ZFHX3: variants seen among roughly 807,000 people sequenced by gnomAD.
The protein encoded by ZFHX3 is zinc finger homeobox protein 3.
ZFHX3 carries 42 observed loss-of-function variants against 279.1 expected under a neutral mutation model. The observed-to-expected ratio is 0.15, with a 90% CI of 0.12 to 0.19. The LOEUF is 0.19. Ranked by LOEUF, ZFHX3 falls within the 10% of genes least tolerant of loss-of-function variation. The pLI is 1.00. For synonymous variants in ZFHX3, 2,293 were observed against 1,957.8 expected, an observed-to-expected ratio of 1.17 and a Z score of -4.52; for missense variants, 4,981 against 4,754.0, an observed-to-expected ratio of 1.05 and a Z score of -1.40.
chr16:73,604,479 C>T (rs147741261), intron 2 of ZFHX3, among the ~76,000 whole-genome samples: 1 of 152,180 alleles, frequency 6.6e-6, no homozygotes, highest in African/African-American at 2.4e-5. Context: ...GGCACAGTGA[C>T]TCACGCCTGT....
At chr16:73,842,208 C>G (rs1179910241) in intron 1 of ZFHX3, among the ~76,000 whole-genome samples, 1 of 151,436 alleles carries the variant, frequency 6.6e-6, no homozygotes, top group Non-Finnish European at 1.5e-5. Flanking sequence ...AAGAGCGAAA[C>G]TCCATCTCAA....
At chr16:73,487,308 T>A (rs1001938002) in intron 2 of ZFHX3, 8 of 326,918 alleles carry the variant, frequency 2.4e-5, no homozygotes, top group African/African-American at 1.5e-4. Context: ...CGCTGTAGGG[T>A]GCAGTTACTC....
chr16:73,631,937 A>T (rs62043004), intron 2 of ZFHX3, among the ~76,000 whole-genome samples: 21,248 of 59,860 alleles, frequency 0.35, 1,723 homozygotes, highest in East Asian at 0.5. Flanking sequence ...TCACACACAC[A>T]CACACACACA....
At chr16:73,879,933 T>C (rs1241906467) in intron 1 of ZFHX3, among the ~76,000 whole-genome samples, 3 of 152,142 alleles carry the variant, frequency 2.0e-5, no homozygotes, top group African/African-American at 4.8e-5. Context: ...ACAACTGTTA[T>C]AGGATCCTAA....
At chr16:73,155,018 A>T (rs2144849854) in intron 5 of ZFHX3, among the ~76,000 whole-genome samples, 1 of 152,000 alleles carries the variant, frequency 6.6e-6, no homozygotes, top group Middle Eastern at 3.4e-3. Flanking sequence ...TACTAAAAAT[A>T]CAAAAATTAG....
chr16:73,719,216 A>G (rs542167630), intron 1 of ZFHX3, among the ~76,000 whole-genome samples: 1 of 152,296 alleles, frequency 6.6e-6, no homozygotes, highest in South Asian at 2.1e-4. Flanking sequence ...CTTATCATCT[A>G]TCCCACCCAG....
At chr16:73,859,987 A>G (rs1567432705) in intron 1 of ZFHX3, among the ~76,000 whole-genome samples, 1 of 152,178 alleles carries the variant, frequency 6.6e-6, no homozygotes, top group South Asian at 2.1e-4. Flanking sequence ...AATAAAATGC[A>G]AAGTCCTGTG....
At chr16:72,989,234 C>T (rs1011174890) in intron 1 of ZFHX3, among the ~76,000 whole-genome samples, 8 of 151,546 alleles carry the variant, frequency 5.3e-5, no homozygotes, top group Non-Finnish European at 1.2e-4. Context: ...ACTATAATAC[C>T]AGCACCTTGG....
intron 1 of ZFHX3, among the ~76,000 whole-genome samples, chr16:73,689,861 G>C (rs530328752): frequency 1.3e-5 from 2 of 148,470 alleles, no homozygotes; most frequent in East Asian, 3.9e-4. Context: ...GTCTCGCTCT[G>C]TCGCCCAGGC....
At position 73,534,250 on chromosome 16, in the gene ZFHX3, G is replaced by T. The variant is rs564056136; in HGVS notation, c.-1546-77992C>A. 6.6e-5 allele frequency among the ~76,000 whole-genome samples: 10 copies of T among 152,178 alleles called. No individual in the cohort carries two copies. In the South Asian group the frequency reaches 2.1e-3, roughly 32 times the overall value. On this transcript the variant is annotated intron_variant, in intron 2 of 17. Transcript: ENST00000641206. Reference sequence around the variant, plus strand: ...CTTCCACTTTAGGGCCTTTGTACTTGCAGTTCTCTCTCCCTGGAATGCTCT... The same window carrying T: ...CTTCCACTTTAGGGCCTTTGTACTTTCAGTTCTCTCTCCCTGGAATGCTCT...
At chr16:73,472,621 T>C (rs2018689307) in intron 2 of ZFHX3, among the ~76,000 whole-genome samples, 1 of 152,220 alleles carries the variant, frequency 6.6e-6, no homozygotes, top group Non-Finnish European at 1.5e-5. Context: ...CGTCCTACCG[T>C]CTGTGCCATG....
At chr16:73,214,607 C>T (rs919980817) in intron 5 of ZFHX3, among the ~76,000 whole-genome samples, 4 of 152,156 alleles carry the variant, frequency 2.6e-5, no homozygotes, top group Admixed American at 6.5e-5. Context: ...TTGACCTCTT[C>T]ACACATATCC....
At chr16:73,287,256 T>TTG in intron 4 of ZFHX3, among the ~76,000 whole-genome samples, 1 of 134,642 alleles carries the variant, frequency 7.4e-6, no homozygotes, top group East Asian at 2.3e-4. Flanking sequence ...GGTGTGTGGG[T>TTG]GTGTAGGCCA....
intron 5 of ZFHX3, among the ~76,000 whole-genome samples, chr16:73,252,792 G>A (rs779342281): frequency 6.6e-6 from 1 of 152,138 alleles, no homozygotes; most frequent in African/African-American, 2.4e-5. Context: ...GGATAAAGGA[G>A]CCAATGTTCA....
chr16:73,866,794 G>C (rs1962034193), intron 1 of ZFHX3, among the ~76,000 whole-genome samples: 1 of 152,162 alleles, frequency 6.6e-6, no homozygotes, highest in Non-Finnish European at 1.5e-5. Flanking sequence ...AGTAGGAAAA[G>C]GGCAGAAAAT....
At chr16:73,327,167 C>G (rs1290274043) in intron 3 of ZFHX3, among the ~76,000 whole-genome samples, 1 of 152,152 alleles carries the variant, frequency 6.6e-6, no homozygotes, top group Non-Finnish European at 1.5e-5. Context: ...TTCTGAGAAG[C>G]CTTTTGGCTT....
At position 72,787,623 on chromosome 16, in the gene ZFHX3, G is replaced by A. The variant is rs1353594283; in HGVS notation, c.10653C>T (p.Ala3551=). 1 of 1,613,220 alleles carries A rather than the reference G, an allele frequency of 6.2e-7. No individual in the cohort carries two copies. Among genetic ancestry groups the A allele is most frequent in the Non-Finnish European group, 8.5e-7 (1 of 1,179,558 alleles). The stretch of plus-strand genomic sequence containing the variant: ...TCGTGATTGTTCTGTGTTTGTGCAA[G>A]GCCGACTCGAGATGTTGACTCAGAG... The part of the protein sequence containing the change: ...EEALSQHLES[A]LHKHRTITRA... The change falls in exon 10 of 10, where the codon GCC becomes GCT. Residue 3551 remains alanine, a synonymous_variant. Transcript: ENST00000268489.
At chr16:72,987,150 G>A (rs1018884659) in intron 1 of ZFHX3, among the ~76,000 whole-genome samples, 3 of 152,180 alleles carry the variant, frequency 2.0e-5, no homozygotes, top group African/African-American at 7.2e-5. Context: ...AACAAAGTGA[G>A]ATCCTGTCTC....
chr16:73,881,480 GCC>G (rs796522913), intron 1 of ZFHX3, among the ~76,000 whole-genome samples: 3 of 23,556 alleles, frequency 1.3e-4, no homozygotes, highest in Non-Finnish European at 1.9e-4. Context: ...CTCTCTCTCT[GCC>G]CCCCCCCCCC....
Sources: allele counts gnomAD v4.1 joint callset (sites outside exome capture counted in the v4.1 genomes callset), GRCh38; gene constraint gnomAD v4.1.1; transcripts MANE v1.5; gene names NCBI Gene and HGNC (gene_info 2026-07-23, HGNC 2026-07-21).